Variants in FAN1 observed in about 807,000 individuals in gnomAD.
FAN1 encodes FANCD2 and FANCI associated nuclease 1.
A neutral mutation model predicts 104.9 loss-of-function variants in FAN1; 91 were observed. The ratio of observed to expected loss-of-function variants is 0.87; its 90% confidence interval spans 0.73 to 1.03. The LOEUF is 1.03. FAN1 is among the 50% of genes least tolerant of loss of function. The pLI is 0.00. For synonymous variants in FAN1, 478 were observed against 457.6 expected (o/e 1.04, Z -0.57); for missense variants, 1,263 against 1,239.9 (o/e 1.02, Z -0.28).
chr15:30,938,667 C>A (rs1036357569), intron 14 of FAN1, among the ~76,000 whole-genome samples: 1 of 152,104 alleles, frequency 6.6e-6, no homozygotes, highest in Non-Finnish European at 1.5e-5. Flanking sequence ...CTCTTGACTT[C>A]TTTGAAGCCT....
At chr15:30,934,856 T>C (rs2062809025) in intron 13 of FAN1, among the ~76,000 whole-genome samples, 1 of 152,236 alleles carries the variant, frequency 6.6e-6, no homozygotes, top group Non-Finnish European at 1.5e-5. Context: ...CTTCCAGCCT[T>C]TGTGGTGTTT....
rs1167135336 is a variant in FAN1 at position 30,925,154 on chromosome 15, G to T, written c.2200G>T (p.Ala734Ser). 6.2e-7 allele frequency: 1 copy of T among 1,613,908 alleles called. No individual in the cohort carries two copies. Among genetic ancestry groups the T allele is most frequent in the African/African-American group, 1.3e-5 (1 of 74,928 alleles). ...TATCAAGTGCATCACAGAGGGGCTG[G>T]CGGATCCGGAAGTCAGAACGGGACA... Reference protein sequence around the residue: ...PTIKCITEGLADPEVRTGHRL... With the variant: ...PTIKCITEGLSDPEVRTGHRL... The change falls in exon 9 of 15, where the codon GCG (alanine) becomes TCG (serine). Residue 734 changes from alanine to serine, a missense_variant. This residue lies in a region of FAN1 where 581 missense variants were observed against 668.8 expected (regional missense o/e 0.87). Transcript: ENST00000362065.
At chr15:30,920,158 C>T (rs1014016512) in intron 6 of FAN1, among the ~76,000 whole-genome samples, 4 of 152,192 alleles carry the variant, frequency 2.6e-5, no homozygotes, top group Non-Finnish European at 5.9e-5. Flanking sequence ...CATTTGTGGA[C>T]ATTGAAATTT....
intron 14 of FAN1, among the ~76,000 whole-genome samples, chr15:30,938,714 T>C (rs1457047683): frequency 6.6e-6 from 1 of 152,194 alleles, no homozygotes; most frequent in Non-Finnish European, 1.5e-5. Context: ...TTTATATTTA[T>C]TTATTGAATG....
chr15:30,927,417 G>A, intron 10 of FAN1: 1 of 985,618 alleles, frequency 1.0e-6, no homozygotes, highest in South Asian at 4.7e-5. Flanking sequence ...CTGTCCTTTT[G>A]AATCCCTGAG....
At chr15:30,940,274 A>G (rs2062995610) in intron 14 of FAN1, 1 of 984,894 alleles carries the variant, frequency 1.0e-6, no homozygotes, top group Non-Finnish European at 1.2e-6. Flanking sequence ...CAGTTTGGAA[A>G]TACTTTACTT....
At chr15:30,906,361 A>T (rs1299029682) in intron 2 of FAN1, 1 of 457,518 alleles carries the variant, frequency 2.2e-6, no homozygotes, top group Admixed American at 2.3e-5. Context: ...TTCTCCCAAC[A>T]ACATTTTAGA....
chr15:30,924,346 CCT>C (rs2062407191), intron 8 of FAN1, among the ~76,000 whole-genome samples: 1 of 152,170 alleles, frequency 6.6e-6, no homozygotes, highest in African/African-American at 2.4e-5. Context: ...TTTGGGAATA[CCT>C]GAGAGTGGAA....
At chr15:30,929,689 T>C (rs1420463607) in intron 12 of FAN1, among the ~76,000 whole-genome samples, 1 of 114,574 alleles carries the variant, frequency 8.7e-6, no homozygotes, top group Non-Finnish European at 1.6e-5. Flanking sequence ...ATATAATATA[T>C]ATAAAATATA....
chr15:30,933,323 T>G (rs1166141268), intron 13 of FAN1, among the ~76,000 whole-genome samples: 1 of 152,238 alleles, frequency 6.6e-6, no homozygotes, highest in East Asian at 1.9e-4. Flanking sequence ...GTAGTTGTTT[T>G]CATTTTCATT....
intron 12 of FAN1, 107 bp from the exon 13 acceptor site, chr15:30,930,436 A>G: frequency 7.6e-7 from 1 of 1,314,526 alleles, no homozygotes; most frequent in Non-Finnish European, 1.0e-6. Context: ...GTCCATGTGC[A>G]CTGAATTACA....
intron 8 of FAN1, 72 bp downstream of exon 8, chr15:30,922,426 A>C: frequency 7.0e-7 from 1 of 1,422,834 alleles, no homozygotes; most frequent in East Asian, 2.3e-5. Flanking sequence ...GGCAAACTTA[A>C]TGCCTTAAAA....
chr15:30,941,425 A>G (rs780608549), intron 14 of FAN1, 141 bp from the exon 15 acceptor site: 2 of 1,568,020 alleles, frequency 1.3e-6, no homozygotes, highest in Admixed American at 1.9e-5. Context: ...ATTCAGAGGA[A>G]AAAAGTTGAC....
chr15:30,905,828 A>G lies in FAN1; in HGVS notation c.1165A>G (p.Asn389Asp). Reference protein sequence around the residue: ...FLVVLKTVLENEDDMLLFDEQ... With the variant: ...FLVVLKTVLEDEDDMLLFDEQ... The stretch of plus-strand genomic sequence containing the variant: ...TGTGGTGCTGAAAACCGTACTTGAG[A>G]ATGAAGATGATATGTTGCTCTTTGA... Residue 389 changes from asparagine to aspartate, a missense_variant, in exon 2 of 15, where the codon AAT becomes GAT. Physicochemically the swap from Asn to Asp is conservative, Grantham distance 23. Transcript: ENST00000362065. The G allele has an allele frequency of 6.2e-7, 1 of 1,614,146 alleles. No individual in the cohort carries two copies.
chr15:30,939,773 C>T (rs2140979531), intron 14 of FAN1: 1 of 985,174 alleles, frequency 1.0e-6, no homozygotes, highest in Non-Finnish European at 1.2e-6. Flanking sequence ...CTGTCAATGG[C>T]AGGATACGCT....
intron 14 of FAN1, chr15:30,940,540 C>T (rs968474357): frequency 1.0e-5 from 10 of 985,416 alleles, no homozygotes; most frequent in Non-Finnish European, 9.6e-6. Flanking sequence ...ACTGGAAATA[C>T]TGATGGCCAA....
chr15:30,941,544 C>T, intron 14 of FAN1, 22 bp from the exon 15 acceptor site: 1 of 1,607,576 alleles, frequency 6.2e-7, no homozygotes. Context: ...AATGGTGTTC[C>T]TAAAATGCTT....
At position 30,922,299 on chromosome 15, in the gene FAN1, G is replaced by A. The variant is rs781032909; in HGVS notation, c.2117G>A (p.Arg706Gln). The A allele has an allele frequency of 8.7e-6, 14 of 1,614,018 alleles. No individual in the cohort carries two copies. In the South Asian group the frequency reaches 1.3e-4, roughly 15 times the overall value. ...ATTTATTGTCCTGACAGCAGAGGCCGATGGTGGGATCGACTGGCCCTTAAT... is the reference window on the plus strand; with the variant it reads ...ATTTATTGTCCTGACAGCAGAGGCCAATGGTGGGATCGACTGGCCCTTAAT... ...QRIYCPDSRG[R>Q]WWDRLALNLH... Residue 706 changes from arginine (R) to glutamine (Q), a missense_variant, in exon 8 of 15, where the codon CGA becomes CAA. Transcript: ENST00000362065.
At chr15:30,931,916 T>A (rs1169626754) in intron 13 of FAN1, among the ~76,000 whole-genome samples, 1 of 140,732 alleles carries the variant, frequency 7.1e-6, no homozygotes, top group Non-Finnish European at 1.5e-5. Context: ...ATTTTAAGTT[T>A]CCAAGAAAAA....
Sources: allele counts gnomAD v4.1 joint callset (sites outside exome capture counted in the v4.1 genomes callset), GRCh38; gene constraint gnomAD v4.1.1; regional missense constraint gnomAD v4.1.1; transcripts MANE v1.5; gene names NCBI Gene and HGNC (gene_info 2026-07-23, HGNC 2026-07-21).